Variants in SORCS2 observed in about 807,000 individuals in gnomAD.
SORCS2 encodes the protein sortilin related VPS10 domain containing receptor 2.
Under a neutral mutation model 141.6 loss-of-function variants are expected in SORCS2, and 100 were observed. The observed-to-expected ratio is 0.71, with a 90% CI of 0.60 to 0.83. The LOEUF is 0.83. SORCS2 is among the 40% of genes least tolerant of loss of function. The pLI is 0.00. For missense variants in SORCS2, 1,646 were observed against 1,560.2 expected (o/e 1.05, Z -0.93); for synonymous variants, 789 against 676.9 (o/e 1.17, Z -2.57).
At chr4:7,568,710 A>G (rs137903702) in intron 3 of SORCS2, among the ~76,000 whole-genome samples, 136 of 152,258 alleles carry the variant, frequency 8.9e-4, no homozygotes, top group African/African-American at 3.2e-3. Context: ...AAAATATCCC[A>G]CCAGGTTCCT....
intron 1 of SORCS2, among the ~76,000 whole-genome samples, chr4:7,364,815 C>A (rs1721783280): frequency 6.6e-6 from 1 of 152,232 alleles, no homozygotes; most frequent in South Asian, 2.1e-4. Context: ...CCTTGCCTGA[C>A]ATCACAGAGT....
chr4:7,657,432 ATGAC>A (rs552937862), intron 5 of SORCS2, among the ~76,000 whole-genome samples: 30 of 152,124 alleles, frequency 2.0e-4, no homozygotes, highest in African/African-American at 4.6e-4. Context: ...GAACGAGTGA[ATGAC>A]TGAGTGGTGA....
At chr4:7,325,943 G>A (rs1367632999) in intron 1 of SORCS2, among the ~76,000 whole-genome samples, 2 of 152,312 alleles carry the variant, frequency 1.3e-5, no homozygotes, top group East Asian at 1.9e-4. Flanking sequence ...AGCCAAGAGA[G>A]TGGGAACCTC....
At chr4:7,457,978 G>A (rs1220817279) in intron 2 of SORCS2, among the ~76,000 whole-genome samples, 3 of 152,188 alleles carry the variant, frequency 2.0e-5, no homozygotes, top group Admixed American at 6.5e-5. Context: ...CCGAGAGGCC[G>A]TAGGGCAGGG....
intron 1 of SORCS2, among the ~76,000 whole-genome samples, chr4:7,230,855 A>T (rs1711821862): frequency 6.6e-6 from 1 of 152,038 alleles, no homozygotes; most frequent in African/African-American, 2.4e-5. Flanking sequence ...AAGGAGATGA[A>T]GATGGTCAAG....
rs186064531 is a variant in SORCS2 at position 7,667,824 on chromosome 4, A to G, written c.1161+611A>G. Among the ~76,000 whole-genome samples, 728 of 152,114 alleles carry G rather than the reference A, an allele frequency of 4.8e-3. 5 individuals are homozygous for G. Among genetic ancestry groups the G allele is most frequent in the Middle Eastern group, 0.017 (5 of 294 alleles). On this transcript the variant is annotated intron_variant, in intron 8 of 26. Coordinates refer to ENST00000507866, the MANE Select transcript of SORCS2 (RefSeq NM_020777.3). ...TGCCCCTGCCTTGGGGCCTCTCTCCACCCTATTAATATATTATTCCCACCT... is the reference window on the plus strand; with the variant it reads ...TGCCCCTGCCTTGGGGCCTCTCTCCGCCCTATTAATATATTATTCCCACCT...
At chr4:7,440,832 G>A (rs1203802503) in intron 2 of SORCS2, among the ~76,000 whole-genome samples, 3 of 152,194 alleles carry the variant, frequency 2.0e-5, no homozygotes, top group Non-Finnish European at 4.4e-5. Flanking sequence ...CTCATTTCAC[G>A]ATCATTTTCC....
In SORCS2 at chr4:7,707,118, G is replaced by A. The variant is rs566010566; in HGVS notation, c.1868+2834G>A. On this transcript the variant is annotated intron_variant, in intron 14 of 26. Coordinates refer to ENST00000507866, the MANE Select transcript of SORCS2 (RefSeq NM_020777.3). ...CTGTGGGCAGCAGCCTGTCCTCTCCGGGCCGAGCAGAGGTGGGACCCCCTA... is the reference window on the plus strand; with the variant it reads ...CTGTGGGCAGCAGCCTGTCCTCTCCAGGCCGAGCAGAGGTGGGACCCCCTA... 5.9e-5 allele frequency among the ~76,000 whole-genome samples: 9 copies of A among 152,334 alleles called. No homozygotes were observed. In the East Asian group the frequency reaches 9.6e-4, roughly 16 times the overall value.
intron 19 of SORCS2, among the ~76,000 whole-genome samples, chr4:7,724,886 GTGT>G (rs1727060841): frequency 8.3e-5 from 4 of 48,388 alleles, no homozygotes; most frequent in African/African-American, 8.9e-5. Flanking sequence ...GATGGTGGTG[GTGT>G]TGGTGATGGT....
chr4:7,351,285 C>G (rs190055088), intron 1 of SORCS2, among the ~76,000 whole-genome samples: 2 of 152,194 alleles, frequency 1.3e-5, no homozygotes, highest in African/African-American at 2.4e-5. Context: ...ACAACGGAAC[C>G]TTGTCACAGC....
chr4:7,714,625 C>T (rs2109041037), intron 16 of SORCS2, among the ~76,000 whole-genome samples: 1 of 152,322 alleles, frequency 6.6e-6, no homozygotes, highest in Non-Finnish European at 1.5e-5. Context: ...TGCTCACAGG[C>T]AGGAGGAGAA....
rs1226373868 is a variant in SORCS2, at chr4:7,742,602, C to T, written c.*2338C>T. ...CATCTGAGACAGCCTGATACGTTCCCGTCTGTGCACCCATGGAGATCCAGG... is the reference window on the plus strand; with the variant it reads ...CATCTGAGACAGCCTGATACGTTCCTGTCTGTGCACCCATGGAGATCCAGG... On this transcript the variant is annotated 3_prime_UTR_variant, in exon 27 of 27. Transcript: ENST00000507866. 2 of 152,228 alleles carry T rather than the reference C, an allele frequency of 1.3e-5. No individual in the cohort carries two copies. Among genetic ancestry groups the T allele is most frequent in the South Asian group, 2.1e-4 (1 of 4,816 alleles). 9.4% of individuals were successfully genotyped at this position (152,228 alleles called of 1,614,324 possible).
intron 14 of SORCS2, among the ~76,000 whole-genome samples, chr4:7,706,295 C>CTGT (rs1725447864): frequency 4.5e-5 from 6 of 133,172 alleles, no homozygotes; most frequent in Non-Finnish European, 6.5e-5. Flanking sequence ...AGGCTGGGCT[C>CTGT]CGTCTGGGCA....
chr4:7,628,189 A>G (rs1266339465), intron 3 of SORCS2, among the ~76,000 whole-genome samples: 1 of 152,224 alleles, frequency 6.6e-6, no homozygotes, highest in African/African-American at 2.4e-5. Context: ...CACACAGAAC[A>G]GAACAGAACA....
intron 3 of SORCS2, among the ~76,000 whole-genome samples, chr4:7,535,762 AG>A (rs1393420905): frequency 6.6e-6 from 1 of 152,174 alleles, no homozygotes; most frequent in Non-Finnish European, 1.5e-5. Flanking sequence ...TGTCTGTTGG[AG>A]GGACCACACA....
Position 7,714,219 on chromosome 4 carries a change from AC to A in SORCS2, c.1990-18del. ...GTTGCCCTGTCTCAGGCAGCTCCTT[AC>A]CCTGATGTTCCTGCTGCAGGGCGAC... On this transcript the variant is annotated intron_variant, in intron 15 of 26. Coordinates refer to ENST00000507866, the MANE Select transcript of SORCS2 (RefSeq NM_020777.3). 1 of 1,605,944 alleles carries A rather than the reference AC, an allele frequency of 6.2e-7. No homozygotes were observed. The highest frequency in any genetic ancestry group is 1.1e-5 in the South Asian group (1 of 88,786).
At chr4:7,306,185 C>T (rs151197438) in intron 1 of SORCS2, among the ~76,000 whole-genome samples, 6 of 152,274 alleles carry the variant, frequency 3.9e-5, no homozygotes, top group East Asian at 3.9e-4. Flanking sequence ...GCAGGTGCAG[C>T]GGTGGGCACT....
At chr4:7,475,872 A>G (rs1379188816) in intron 2 of SORCS2, among the ~76,000 whole-genome samples, 2 of 152,034 alleles carry the variant, frequency 1.3e-5, no homozygotes, top group African/African-American at 2.4e-5. Flanking sequence ...TGAAGATACC[A>G]CTCTGAAGGA....
intron 1 of SORCS2, among the ~76,000 whole-genome samples, chr4:7,347,682 G>A (rs1720719788): frequency 1.3e-5 from 2 of 152,336 alleles, no homozygotes; most frequent in African/African-American, 4.8e-5. Context: ...CTGTGGATTT[G>A]TGTGGACACT....
Sources: allele counts gnomAD v4.1 joint callset (sites outside exome capture counted in the v4.1 genomes callset), GRCh38; gene constraint gnomAD v4.1.1; transcripts MANE v1.5; gene names NCBI Gene and HGNC (gene_info 2026-07-23, HGNC 2026-07-21).